TMEM132D: variants seen among roughly 807,000 people sequenced by gnomAD.
TMEM132D encodes transmembrane protein 132D, also known as mature OL transmembrane protein.
A neutral mutation model predicts 62.3 loss-of-function variants in TMEM132D; 21 were observed. That is an observed-to-expected ratio of 0.34 (90% confidence interval 0.24 to 0.49). TMEM132D has a LOEUF of 0.49. Ranked by LOEUF, TMEM132D falls within the 20% of genes least tolerant of loss-of-function variation. TMEM132D has a pLI of 0.99. For missense variants in TMEM132D, 1,346 were observed against 1,402.8 expected, an observed-to-expected ratio of 0.96 and a Z score of 0.65; for synonymous variants, 621 against 575.6, an observed-to-expected ratio of 1.08 and a Z score of -1.13.
intron 5 of TMEM132D, among the ~76,000 whole-genome samples, chr12:129,132,395 T>G (rs1876406315): frequency 6.6e-6 from 1 of 152,118 alleles, no homozygotes; most frequent in Non-Finnish European, 1.5e-5. Context: ...CAAAGACAAA[T>G]AAGGGTTTTG....
Position 129,474,328 on chromosome 12 carries a change from C to A in TMEM132D, c.1115+56731G>T, listed in dbSNP as rs77017400. 3.7e-3 allele frequency among the ~76,000 whole-genome samples: 569 copies of A among 152,182 alleles called. 2 individuals are homozygous for A. Among genetic ancestry groups the A allele is most frequent in the African/African-American group, 0.012 (481 of 41,506 alleles). On this transcript the variant is annotated intron_variant, in intron 3 of 8. Coordinates refer to ENST00000422113, the MANE Select transcript of TMEM132D (RefSeq NM_133448.3). The stretch of plus-strand genomic sequence containing the variant: ...TGCTCTGGGCCATGTACAATGGCAC[C>A]CTAAGTACTTTATTACAATTAATTC...
At chr12:129,830,500 C>T (rs916978880) in intron 1 of TMEM132D, among the ~76,000 whole-genome samples, 10 of 152,146 alleles carry the variant, frequency 6.6e-5, no homozygotes, top group African/African-American at 1.2e-4. Flanking sequence ...GCAAGCTTTC[C>T]TCTCTCACCT....
intron 2 of TMEM132D, among the ~76,000 whole-genome samples, chr12:129,569,929 C>T (rs151067739): frequency 1.3e-5 from 2 of 152,278 alleles, no homozygotes; most frequent in South Asian, 2.1e-4. Flanking sequence ...CCTACTTCAA[C>T]TCTAAGTCCC....
At position 129,375,725 on chromosome 12, in the gene TMEM132D, G is replaced by T. The variant is rs187935777; in HGVS notation, c.1116-37908C>A. On this transcript the variant is annotated intron_variant, in intron 3 of 8. Transcript: ENST00000422113. ...AAATATATACCATGACTCAGCCTGG[G>T]TCTCCATCCCAGAAGTATTGATTTC... Among the ~76,000 whole-genome samples, 14 of 152,242 alleles carry T rather than the reference G, an allele frequency of 9.2e-5. No homozygotes were observed. The East Asian group carries it at 2.3e-3, about 25-fold the overall frequency.
chr12:129,356,199 C>G lies in TMEM132D; in HGVS notation c.1116-18382G>C, dbSNP rs1383072267. Reference sequence around the variant, plus strand: ...TGAGACGGAGTCTCGCTCTGTCGCCCAGGCTGGAGTGCAGTGGCGGGATCT... The same window carrying G: ...TGAGACGGAGTCTCGCTCTGTCGCCGAGGCTGGAGTGCAGTGGCGGGATCT... On this transcript the variant is annotated intron_variant, in intron 3 of 8. Coordinates refer to ENST00000422113, the MANE Select transcript of TMEM132D (RefSeq NM_133448.3). Among the ~76,000 whole-genome samples, 6 of 71,382 alleles carry G rather than the reference C, an allele frequency of 8.4e-5. 2 individuals are homozygous for G. Among genetic ancestry groups the G allele is most frequent in the Non-Finnish European group, 1.4e-4 (5 of 35,582 alleles). 46.8% of individuals were successfully genotyped at this position (71,382 alleles called of 152,430 possible).
At chr12:129,091,691 T>G (rs188813452) in intron 5 of TMEM132D, among the ~76,000 whole-genome samples, 141 of 152,270 alleles carry the variant, frequency 9.3e-4, no homozygotes, top group African/African-American at 3.1e-3. Context: ...ACTCTGGAGA[T>G]CTTACCTAAA....
chr12:129,273,360 C>A (rs1315379173), intron 4 of TMEM132D, among the ~76,000 whole-genome samples: 1 of 149,170 alleles, frequency 6.7e-6, no homozygotes, highest in African/African-American at 2.5e-5. Flanking sequence ...ACTTAAGGAA[C>A]TTAAAACAGA....
chr12:129,271,986 A>G (rs994416578), intron 4 of TMEM132D, among the ~76,000 whole-genome samples: 2 of 151,902 alleles, frequency 1.3e-5, no homozygotes, highest in Non-Finnish European at 2.9e-5. Context: ...GAATTGCCAC[A>G]TTACCTTCCA....
At chr12:129,325,182 T>C (rs1241504711) in intron 4 of TMEM132D, among the ~76,000 whole-genome samples, 4 of 152,178 alleles carry the variant, frequency 2.6e-5, no homozygotes, top group Non-Finnish European at 4.4e-5. Context: ...TGCCGCGGGA[T>C]GGACAGTAGT....
intron 3 of TMEM132D, among the ~76,000 whole-genome samples, chr12:129,424,854 CTCG>C (rs1872447047): frequency 6.6e-6 from 1 of 151,568 alleles, no homozygotes; most frequent in South Asian, 2.1e-4. Flanking sequence ...AGACTTTAAA[CTCG>C]TCAACTTGTA....
At chr12:129,392,902 T>C (rs1027542890) in intron 3 of TMEM132D, among the ~76,000 whole-genome samples, 8 of 152,236 alleles carry the variant, frequency 5.3e-5, no homozygotes, top group African/African-American at 1.7e-4. Flanking sequence ...CCATCGAGGA[T>C]GCATGGCCCT....
chr12:129,130,015 CTGTGTGTGTG>C (rs59282376), intron 5 of TMEM132D, among the ~76,000 whole-genome samples: 20 of 141,956 alleles, frequency 1.4e-4, no homozygotes, highest in South Asian at 1.2e-3. Context: ...AAGCTCTGCT[CTGTGTGTGTG>C]TGTGTGTGTG....
At chr12:129,618,739 A>G (rs1301804466) in intron 2 of TMEM132D, among the ~76,000 whole-genome samples, 1 of 152,212 alleles carries the variant, frequency 6.6e-6, no homozygotes, top group East Asian at 1.9e-4. Flanking sequence ...GGTCAGGATC[A>G]AATTAGGACA....
intron 1 of TMEM132D, among the ~76,000 whole-genome samples, chr12:129,763,595 T>C (rs921513): frequency 0.95 from 144,621 of 152,206 alleles, 69,137 homozygotes; most frequent in East Asian, 1. Flanking sequence ...TTGATGGCAC[T>C]TTCTTTGAAA....
intron 2 of TMEM132D, among the ~76,000 whole-genome samples, chr12:129,623,506 C>T (rs1879126615): frequency 6.6e-6 from 1 of 152,034 alleles, no homozygotes; most frequent in Admixed American, 6.6e-5. Context: ...TTAGCTCCCA[C>T]TTGTAAGTGA....
intron 4 of TMEM132D, among the ~76,000 whole-genome samples, chr12:129,324,518 T>C (rs1393146608): frequency 1.3e-5 from 2 of 151,768 alleles, no homozygotes; most frequent in East Asian, 3.8e-4. Flanking sequence ...TACCTTAATT[T>C]CTTGAAAAAC....
At chr12:129,215,570 G>A (rs1566000154) in intron 4 of TMEM132D, among the ~76,000 whole-genome samples, 2 of 152,158 alleles carry the variant, frequency 1.3e-5, no homozygotes, top group Non-Finnish European at 2.9e-5. Flanking sequence ...CTGCCCACTA[G>A]GCACAGATAA....
chr12:129,282,360 G>A (rs1332365064), intron 4 of TMEM132D, among the ~76,000 whole-genome samples: 1 of 152,140 alleles, frequency 6.6e-6, no homozygotes, highest in Non-Finnish European at 1.5e-5. Context: ...GACAGCAGCT[G>A]AGCACATAAA....
intron 1 of TMEM132D, among the ~76,000 whole-genome samples, chr12:129,705,087 C>T (rs1281913767): frequency 2.6e-5 from 4 of 152,150 alleles, no homozygotes; most frequent in Non-Finnish European, 5.9e-5. Flanking sequence ...GCTTTCCCTA[C>T]AGCTAAATAG....
Sources: gnomAD v4.1 joint callset for allele counts (sites outside exome capture counted in the v4.1 genomes callset) on GRCh38, gnomAD v4.1.1 for gene constraint, MANE v1.5 for transcripts, NCBI Gene and HGNC (gene_info 2026-07-23, HGNC 2026-07-21) for gene names.